FNDC3A: variants seen among roughly 807,000 people sequenced by gnomAD.
The protein encoded by FNDC3A is fibronectin type-III domain-containing protein 3A.
FNDC3A carries 32 observed loss-of-function variants against 148.9 expected under a neutral mutation model. That is an observed-to-expected ratio of 0.21 (90% CI 0.16 to 0.29). The LOEUF (loss-of-function observed/expected upper bound fraction) is 0.29. Among genes scored for constraint, FNDC3A ranks in the 10% least tolerant of loss-of-function variants. FNDC3A has a pLI of 1.00. For missense variants in FNDC3A, 1,191 were observed against 1,452.8 expected (o/e 0.82, Z 2.93); for synonymous variants, 472 against 473.6 (o/e 1.00, Z 0.04).
chr13:49,098,969 C>T (rs1224744652), intron 3 of FNDC3A, among the ~76,000 whole-genome samples: 3 of 152,036 alleles, frequency 2.0e-5, no homozygotes, highest in Admixed American at 6.6e-5. Context: ...TGGTGAGTTC[C>T]TAGATCAAGG....
intron 13 of FNDC3A, among the ~76,000 whole-genome samples, chr13:49,178,116 C>T (rs1396584683): frequency 6.6e-6 from 1 of 152,146 alleles, no homozygotes; most frequent in African/African-American, 2.4e-5. Flanking sequence ...TAAGTGACAT[C>T]CTCACCTGCC....
chr13:49,121,134 TAACA>T lies in FNDC3A; in HGVS notation c.252+6409_252+6412del, dbSNP rs373201246. 7.8e-4 allele frequency among the ~76,000 whole-genome samples: 119 copies of T among 152,242 alleles called. 4 individuals are homozygous for T. In the East Asian group the frequency reaches 0.02, roughly 25 times the overall value. ...AGCAAATGTAAAAGAACAGAAATTA[TAACA>T]AACAATCTCTCAGGCCACAGTGCAA... On this transcript the variant is annotated intron_variant, in intron 4 of 25. Coordinates refer to ENST00000492622, the MANE Select transcript of FNDC3A (RefSeq NM_001079673.2).
Position 49,178,538 on chromosome 13 carries a change from G to T in FNDC3A, c.1531-30G>T, listed in dbSNP as rs192148552. On this transcript the variant is annotated intron_variant, in intron 13 of 25. Coordinates refer to ENST00000492622, the MANE Select transcript of FNDC3A (RefSeq NM_001079673.2). ...GCCCATATTTCTATTGTTAGACATC[G>T]AATGAAGACTTTGTTTTTTCCTTTT... The T allele has an allele frequency of 4.1e-4, 547 of 1,339,448 alleles. 1 individual carries two copies. The African/African-American group carries it at 7.2e-3, about 18-fold the overall frequency. The allele number at this position is 1,339,448 out of a possible 1,614,324, so 83.0% of individuals were successfully genotyped here.
At chr13:49,111,953 A>G (rs1452360503) in intron 3 of FNDC3A, among the ~76,000 whole-genome samples, 2 of 152,196 alleles carry the variant, frequency 1.3e-5, no homozygotes, top group Non-Finnish European at 2.9e-5. Flanking sequence ...TGTATTACCA[A>G]ATTATAAACT....
rs567994153 is a variant in FNDC3A at position 49,056,390 on chromosome 13, C to T, written c.100-18899C>T. Among the ~76,000 whole-genome samples the T allele has an allele frequency of 1.8e-4, 28 of 152,166 alleles. No individual in the cohort carries two copies. In the South Asian group the frequency reaches 5.8e-3, roughly 32 times the overall value. On this transcript the variant is annotated intron_variant, in intron 2 of 25. Transcript: ENST00000492622. ...TTTTCTCTCTGGAAGCTTTTAAGAT[C>T]TCTTTGTTTTTGGTGTTGTACTATA...
In FNDC3A at chr13:49,068,736, A is replaced by G. The variant is rs532336945; in HGVS notation, c.100-6553A>G. Among the ~76,000 whole-genome samples the G allele has an allele frequency of 2.0e-5, 3 of 152,336 alleles. No homozygotes were observed. The South Asian group carries it at 6.2e-4, about 32-fold the overall frequency. On this transcript the variant is annotated intron_variant, in intron 2 of 25. Transcript: ENST00000492622. The stretch of plus-strand genomic sequence containing the variant: ...TACTATGCAGCCATAAAAAGGAATG[A>G]GATTGTGTCCTTTGCAGGGACATGG...
intron 8 of FNDC3A, among the ~76,000 whole-genome samples, chr13:49,164,524 T>C (rs1884347645): frequency 6.6e-6 from 1 of 152,186 alleles, no homozygotes; most frequent in African/African-American, 2.4e-5. Context: ...CTCTTCACCG[T>C]TTAGGATACC....
intron 5 of FNDC3A, among the ~76,000 whole-genome samples, chr13:49,135,002 C>T (rs186670029): frequency 4.4e-4 from 67 of 151,280 alleles, no homozygotes; most frequent in African/African-American, 5.1e-4. Flanking sequence ...ATTACAGGTG[C>T]GCGCCACCAC....
chr13:48,988,359 G>A (rs947577175), intron 1 of FNDC3A, among the ~76,000 whole-genome samples: 5 of 152,232 alleles, frequency 3.3e-5, no homozygotes, highest in African/African-American at 1.2e-4. Flanking sequence ...GTACATCACT[G>A]ATGAAATGTC....
At position 49,168,606 on chromosome 13, in the gene FNDC3A, AC is replaced by A. The variant is rs1884600842; in HGVS notation, c.1038-5del. 6.2e-7 allele frequency: 1 copy of A among 1,600,444 alleles called. No individual in the cohort carries two copies. The highest frequency in any genetic ancestry group is 8.5e-7 in the Non-Finnish European group (1 of 1,170,020). ...GAAAGGTAAAACTATTTATTTTATC[AC>A]CATAGAGTCCAGGCAGAATATAATT... On this transcript the variant is annotated splice_polypyrimidine_tract_variant and splice_region_variant and intron_variant, in intron 9 of 25. Coordinates refer to ENST00000492622, the MANE Select transcript of FNDC3A (RefSeq NM_001079673.2).
intron 1 of FNDC3A, among the ~76,000 whole-genome samples, chr13:48,979,845 TA>T: frequency 6.6e-6 from 1 of 152,252 alleles, no homozygotes; most frequent in East Asian, 1.9e-4. Flanking sequence ...TATAATCTTT[TA>T]AAAACGTAAA....
chr13:49,092,760 T>TAA (rs762322245), intron 3 of FNDC3A, among the ~76,000 whole-genome samples: 1 of 142,352 alleles, frequency 7.0e-6, no homozygotes. Context: ...ACTCCAATGT[T>TAA]AAAAAAAAAA....
intron 4 of FNDC3A, among the ~76,000 whole-genome samples, chr13:49,117,778 A>G (rs1881062521): frequency 6.6e-6 from 1 of 152,216 alleles, no homozygotes; most frequent in Non-Finnish European, 1.5e-5. Flanking sequence ...ACACCGTTTT[A>G]TATCAGAGGC....
chr13:49,162,107 G>A (rs924533005), intron 8 of FNDC3A, among the ~76,000 whole-genome samples: 1 of 152,092 alleles, frequency 6.6e-6, no homozygotes, highest in African/African-American at 2.4e-5. Context: ...TTCTCAAGGA[G>A]TGTCTTTGTG....
At position 49,139,257 on chromosome 13, in the gene FNDC3A, T is replaced by C. The variant is rs1007226399; in HGVS notation, c.819+452T>C. Among the ~76,000 whole-genome samples the C allele has an allele frequency of 6.4e-4, 97 of 151,490 alleles. 1 individual carries two copies. The highest frequency in any genetic ancestry group is 2.5e-4 in the Non-Finnish European group (17 of 67,850). On this transcript the variant is annotated intron_variant, in intron 7 of 25. Coordinates refer to ENST00000492622, the MANE Select transcript of FNDC3A (RefSeq NM_001079673.2). Reference sequence around the variant, plus strand: ...AACAGGTGTAAGTAAGCATGGGGAGTTGGACAGAGGGAAAGAACCATTATC... The same window carrying C: ...AACAGGTGTAAGTAAGCATGGGGAGCTGGACAGAGGGAAAGAACCATTATC...
intron 3 of FNDC3A, among the ~76,000 whole-genome samples, chr13:49,091,032 A>G (rs950129220): frequency 2.0e-5 from 3 of 152,126 alleles, no homozygotes; most frequent in African/African-American, 4.8e-5. Flanking sequence ...ATGACCATAC[A>G]TGCTCAGGGA....
intron 9 of FNDC3A, among the ~76,000 whole-genome samples, chr13:49,168,380 A>T (rs529457926): frequency 3.3e-5 from 5 of 152,192 alleles, no homozygotes; most frequent in Non-Finnish European, 5.9e-5. Context: ...AGGAATATAT[A>T]TGCACACTCA....
chr13:49,153,152 C>T (rs1883425640), intron 8 of FNDC3A, among the ~76,000 whole-genome samples: 1 of 151,932 alleles, frequency 6.6e-6, no homozygotes, highest in Non-Finnish European at 1.5e-5. Flanking sequence ...AAAAGTGTTC[C>T]TATTTCTCCA....
intron 3 of FNDC3A, among the ~76,000 whole-genome samples, chr13:49,083,189 A>G (rs965535041): frequency 4.6e-5 from 7 of 152,120 alleles, no homozygotes; most frequent in Admixed American, 2.0e-4. Context: ...GTAGCCACCC[A>G]CCACTGCCTG....
Sources: gnomAD v4.1 joint callset for allele counts (sites outside exome capture counted in the v4.1 genomes callset) on GRCh38, gnomAD v4.1.1 for gene constraint, MANE v1.5 for transcripts, NCBI Gene and HGNC (gene_info 2026-07-23, HGNC 2026-07-21) for gene names.